The following RAD54L2 variants were observed in gnomAD, a reference collection of about 807,000 sequenced individuals.
RAD54L2 encodes RAD54 like 2.
A neutral mutation model predicts 138.4 loss-of-function variants in RAD54L2; 27 were observed. That is an observed-to-expected ratio of 0.20 (90% confidence interval 0.14 to 0.27). RAD54L2 has a LOEUF of 0.27. Among genes scored for constraint, RAD54L2 ranks in the 10% least tolerant of loss-of-function variants. The pLI, the probability that RAD54L2 is intolerant of heterozygous loss-of-function variation, is 1.00. For synonymous variants in RAD54L2, 644 were observed against 723.2 expected, an observed-to-expected ratio of 0.89 and a Z score of 1.76; for missense variants, 1,396 against 1,890.2, an observed-to-expected ratio of 0.74 and a Z score of 4.85.
At chr3:51,661,168 C>T (rs1577473431) in intron 22 of RAD54L2, among the ~76,000 whole-genome samples, 1 of 151,148 alleles carries the variant, frequency 6.6e-6, no homozygotes. Flanking sequence ...CACCATGTTG[C>T]CTAGGCTGGT....
At chr3:51,602,368 G>T (rs1700098550) in intron 3 of RAD54L2, among the ~76,000 whole-genome samples, 1 of 152,158 alleles carries the variant, frequency 6.6e-6, no homozygotes, top group African/African-American at 2.4e-5. Flanking sequence ...CCCTTTAGAT[G>T]AACCATTATC....
intron 3 of RAD54L2, among the ~76,000 whole-genome samples, chr3:51,590,785 G>A (rs559893690): frequency 2.6e-5 from 4 of 152,124 alleles, no homozygotes; most frequent in Non-Finnish European, 5.9e-5. Flanking sequence ...TTAGCCTTTA[G>A]CTTGTCTCTG....
At chr3:51,578,620 C>T (rs765909362) in intron 2 of RAD54L2, among the ~76,000 whole-genome samples, 4 of 152,156 alleles carry the variant, frequency 2.6e-5, no homozygotes, top group Non-Finnish European at 5.9e-5. Context: ...TCCGCTCACT[C>T]GCTACTCTAC....
At chr3:51,594,214 C>T (rs1468628036) in intron 3 of RAD54L2, among the ~76,000 whole-genome samples, 4 of 151,844 alleles carry the variant, frequency 2.6e-5, no homozygotes, top group Admixed American at 2.6e-4. Context: ...GCTGGAATTA[C>T]AGGCATGCAC....
At chr3:51,596,403 GA>G (rs1577412234) in intron 3 of RAD54L2, among the ~76,000 whole-genome samples, 2 of 151,928 alleles carry the variant, frequency 1.3e-5, no homozygotes, top group Non-Finnish European at 2.9e-5. Context: ...CTGCAGCAGA[GA>G]AACATGGGAG....
rs1701946659 is a variant in RAD54L2 at position 51,668,020 on chromosome 3, CTG to C, written c.*4603_*4604del. Reference sequence around the variant, plus strand: ...TATTCAGAAGAGAGAGGACCTCATACTGTGACTGGACCCAGGACCCTCCCTGG... The same window carrying C: ...TATTCAGAAGAGAGAGGACCTCATACTGACTGGACCCAGGACCCTCCCTGG... On this transcript the variant is annotated 3_prime_UTR_variant, in exon 23 of 23. Coordinates refer to ENST00000684192, the MANE Select transcript of RAD54L2 (RefSeq NM_015106.4). 1 of 152,740 alleles carries C rather than the reference CTG, an allele frequency of 6.5e-6. No homozygotes were observed. The allele number at this position is 152,740 out of a possible 1,614,324, so 9.5% of individuals were successfully genotyped here.
intron 4 of RAD54L2, 69 bp from the exon 5 acceptor site, chr3:51,629,265 C>T: frequency 6.7e-7 from 1 of 1,489,202 alleles, no homozygotes. Context: ...CTATTTCTCT[C>T]TTTAGCTTGC....
chr3:51,657,898 ATTTCTCTATCTTGCTGTCT>A (rs1701646606), intron 21 of RAD54L2, among the ~76,000 whole-genome samples: 6 of 130,288 alleles, frequency 4.6e-5, no homozygotes, highest in African/African-American at 1.8e-4. Context: ...GGGTCCCTAC[ATTTCTCTATCTTGCTGTCT>A]TTTTTTTTTT....
chr3:51,618,286 T>C (rs547564127), intron 3 of RAD54L2, among the ~76,000 whole-genome samples: 5 of 152,230 alleles, frequency 3.3e-5, no homozygotes, highest in Admixed American at 6.5e-5. Flanking sequence ...TGTGGCCAGA[T>C]TGTGACTTGA....
At chr3:51,607,594 A>G (rs1700217156) in intron 3 of RAD54L2, among the ~76,000 whole-genome samples, 1 of 152,202 alleles carries the variant, frequency 6.6e-6, no homozygotes, top group Non-Finnish European at 1.5e-5. Context: ...CATTGTCATC[A>G]TGGCCCGTTC....
At chr3:51,594,898 G>C in intron 3 of RAD54L2, among the ~76,000 whole-genome samples, 1 of 120,230 alleles carries the variant, frequency 8.3e-6, no homozygotes, top group East Asian at 2.6e-4. Flanking sequence ...TTTTGACGGA[G>C]TCTCGCTCTG....
intron 3 of RAD54L2, among the ~76,000 whole-genome samples, chr3:51,620,431 T>TA (rs1491461321): frequency 2.5e-4 from 37 of 146,612 alleles, no homozygotes; most frequent in African/African-American, 8.5e-4. Context: ...TTTTTTTTTT[T>TA]AACTTTTAGG....
At chr3:51,588,380 C>A (rs1303793148) in intron 2 of RAD54L2, among the ~76,000 whole-genome samples, 1 of 149,300 alleles carries the variant, frequency 6.7e-6, no homozygotes, top group African/African-American at 2.5e-5. Flanking sequence ...GCTAAAAATA[C>A]AAAAATTAGC....
At chr3:51,654,301 G>A (rs936625295) in intron 19 of RAD54L2, among the ~76,000 whole-genome samples, 1 of 152,084 alleles carries the variant, frequency 6.6e-6, no homozygotes, top group Non-Finnish European at 1.5e-5. Context: ...CACCTGCCTC[G>A]GCCTCCCAAG....
intron 2 of RAD54L2, among the ~76,000 whole-genome samples, chr3:51,551,876 C>A (rs559013440): frequency 1.1e-4 from 17 of 152,082 alleles, no homozygotes; most frequent in African/African-American, 3.4e-4. Context: ...CCTCAGCCTC[C>A]AGAGTAGCTG....
intron 19 of RAD54L2, among the ~76,000 whole-genome samples, chr3:51,648,956 A>G (rs1701357498): frequency 6.6e-6 from 1 of 152,182 alleles, no homozygotes; most frequent in African/African-American, 2.4e-5. Flanking sequence ...AATGACTTTG[A>G]CGAGTTGACA....
chr3:51,566,696 C>T (rs1248946676), intron 2 of RAD54L2, among the ~76,000 whole-genome samples: 3 of 151,624 alleles, frequency 2.0e-5, no homozygotes, highest in Non-Finnish European at 2.9e-5. Flanking sequence ...GTTCCTCGTG[C>T]GTTTGTACAT....
chr3:51,606,830 C>T (rs1700191770), intron 3 of RAD54L2, among the ~76,000 whole-genome samples: 1 of 151,792 alleles, frequency 6.6e-6, no homozygotes, highest in Non-Finnish European at 1.5e-5. Flanking sequence ...TTACAGGCGC[C>T]TGCCACACAC....
At chr3:51,654,822 T>G (rs1304607270) in intron 19 of RAD54L2, among the ~76,000 whole-genome samples, 1 of 152,226 alleles carries the variant, frequency 6.6e-6, no homozygotes, top group Non-Finnish European at 1.5e-5. Flanking sequence ...CAGCATTTGA[T>G]GAGTTCATGA....
Sources: allele counts gnomAD v4.1 joint callset (sites outside exome capture counted in the v4.1 genomes callset), GRCh38; gene constraint gnomAD v4.1.1; transcripts MANE v1.5; gene names NCBI Gene and HGNC (gene_info 2026-07-23, HGNC 2026-07-21).